Variants in DTNB observed in about 807,000 individuals in gnomAD.
DTNB encodes dystrobrevin beta, also known as DTN-B.
DTNB carries 63 observed loss-of-function variants against 90.7 expected under a neutral mutation model. That is an observed-to-expected ratio of 0.69 (90% CI 0.57 to 0.86). DTNB has a LOEUF of 0.86. DTNB is among the 40% of genes least tolerant of loss of function. DTNB has a pLI of 0.00. For synonymous variants in DTNB, 277 were observed against 286.7 expected, an observed-to-expected ratio of 0.97 and a Z score of 0.34; for missense variants, 744 against 807.1, an observed-to-expected ratio of 0.92 and a Z score of 0.95.
chr2:25,539,285 G>A (rs1033457719), intron 8 of DTNB, among the ~76,000 whole-genome samples: 8 of 152,138 alleles, frequency 5.3e-5, no homozygotes, highest in Non-Finnish European at 8.8e-5. Context: ...AGTGTTACGC[G>A]CATTCAATTT....
At chr2:25,543,059 ACC>A (rs2081625666) in intron 8 of DTNB, among the ~76,000 whole-genome samples, 1 of 152,172 alleles carries the variant, frequency 6.6e-6, no homozygotes, top group Non-Finnish European at 1.5e-5. Flanking sequence ...TCTTTGATAA[ACC>A]ATCTCTGGTA....
chr2:25,561,288 T>C (rs971617260), intron 8 of DTNB, among the ~76,000 whole-genome samples: 1 of 152,172 alleles, frequency 6.6e-6, no homozygotes, highest in African/African-American at 2.4e-5. Context: ...TACTTTTCTA[T>C]CAAAACCCAA....
intron 9 of DTNB, among the ~76,000 whole-genome samples, chr2:25,502,530 C>G (rs983803820): frequency 6.6e-6 from 1 of 151,662 alleles, no homozygotes; most frequent in Non-Finnish European, 1.5e-5. Flanking sequence ...TCACTTGAGC[C>G]CAGGAGGTGA....
intron 8 of DTNB, among the ~76,000 whole-genome samples, chr2:25,545,392 A>C (rs2082195964): frequency 1.3e-5 from 2 of 152,192 alleles, no homozygotes; most frequent in Non-Finnish European, 2.9e-5. Context: ...TTTGGTAATA[A>C]GCTCACCCTT....
intron 15 of DTNB, among the ~76,000 whole-genome samples, chr2:25,420,467 AATCTATCT>A (rs70947889): frequency 0.055 from 7,976 of 145,558 alleles, 254 homozygotes; most frequent in African/African-American, 0.079. Context: ...CATCTAAATC[AATCTATCT>A]ATCTATCTAT....
chr2:25,416,200 G>A (rs1653386568), intron 16 of DTNB, among the ~76,000 whole-genome samples: 1 of 152,212 alleles, frequency 6.6e-6, no homozygotes, highest in Admixed American at 6.5e-5. Flanking sequence ...CACATTTGGT[G>A]TCAGAGTGTT....
At chr2:25,467,927 A>C (rs2062089370) in intron 10 of DTNB, among the ~76,000 whole-genome samples, 1 of 152,124 alleles carries the variant, frequency 6.6e-6, no homozygotes, top group South Asian at 2.1e-4. Flanking sequence ...CTTTATTTAC[A>C]AAACAAGTAT....
rs555547130 is a variant in DTNB, at chr2:25,535,153, C to T, written c.877-3556G>A. 1.1e-4 allele frequency among the ~76,000 whole-genome samples: 15 copies of T among 140,940 alleles called. No homozygotes were observed. The East Asian group carries it at 1.1e-3, about 11-fold the overall frequency. The allele number at this position is 140,940 out of a possible 152,430, so 92.5% of individuals were successfully genotyped here. A position where few individuals can be genotyped will look rare whatever the true frequency, so the allele number is the denominator to read the frequency against. On this transcript the variant is annotated intron_variant, in intron 8 of 20. Transcript: ENST00000406818. ...CTCCTCACTTCCCATTCGGGGCAACCGGGCAGAGGTACTCCTCACTTCCTC... is the reference window on the plus strand; with the variant it reads ...CTCCTCACTTCCCATTCGGGGCAACTGGGCAGAGGTACTCCTCACTTCCTC...
chr2:25,434,022 T>C (rs775148001), intron 12 of DTNB, 27 bp from the exon 13 acceptor site: 1 of 1,592,786 alleles, frequency 6.3e-7, no homozygotes, highest in Admixed American at 1.8e-5. Flanking sequence ...GGGAGAAAGT[T>C]TTTTTTTTTC....
chr2:25,433,067 T>C, intron 13 of DTNB, 68 bp from the exon 14 acceptor site: 1 of 1,449,180 alleles, frequency 6.9e-7, no homozygotes, highest in South Asian at 1.4e-5. Context: ...CTTTCCCTAT[T>C]ACAACTTTTC....
intron 2 of DTNB, among the ~76,000 whole-genome samples, chr2:25,644,691 G>A (rs796595061): frequency 1.7e-4 from 26 of 152,240 alleles, no homozygotes; most frequent in African/African-American, 4.8e-4. Flanking sequence ...AGGCGAAGGC[G>A]GAGGCTTCAG....
rs535537432 is a variant in DTNB, at chr2:25,450,138, T to C, written c.1257+1410A>G. Among the ~76,000 whole-genome samples the C allele has an allele frequency of 7.2e-5, 11 of 152,344 alleles. No homozygotes were observed. The South Asian group carries it at 1.0e-3, about 14-fold the overall frequency. ...TTATTCTTCCTAAGAGAATGAAGAATTATTCTCCTATACTTTTAGTAGCTT... is the reference window on the plus strand; with the variant it reads ...TTATTCTTCCTAAGAGAATGAAGAACTATTCTCCTATACTTTTAGTAGCTT... On this transcript the variant is annotated intron_variant, in intron 12 of 20. Coordinates refer to ENST00000406818, the MANE Select transcript of DTNB (RefSeq NM_021907.5).
chr2:25,534,659 G>A (rs999896252), intron 8 of DTNB, among the ~76,000 whole-genome samples: 7 of 147,806 alleles, frequency 4.7e-5, no homozygotes, highest in Non-Finnish European at 9.0e-5. Context: ...CCTCCCAGAC[G>A]GGGTGGCGGC....
intron 16 of DTNB, among the ~76,000 whole-genome samples, chr2:25,406,048 G>A (rs1340586619): frequency 2.0e-5 from 3 of 152,180 alleles, no homozygotes; most frequent in Non-Finnish European, 4.4e-5. Flanking sequence ...GGAGGCTGGC[G>A]ATGGCTGGCA....
rs551459579 is a variant in DTNB, at chr2:25,556,707, A to T, written c.876+20131T>A. ...ATAGCGGGCCATGAAGAGACACATCAAACCACTCGGAGAATCAGAAAAAGT... is the reference window on the plus strand; with the variant it reads ...ATAGCGGGCCATGAAGAGACACATCTAACCACTCGGAGAATCAGAAAAAGT... On this transcript the variant is annotated intron_variant, in intron 8 of 20. Transcript: ENST00000406818. Among the ~76,000 whole-genome samples, 5 of 152,224 alleles carry T rather than the reference A, an allele frequency of 3.3e-5. No individual in the cohort carries two copies. The South Asian group carries it at 1.0e-3, about 31-fold the overall frequency.
At chr2:25,569,947 A>G (rs562551752) in intron 8 of DTNB, among the ~76,000 whole-genome samples, 174 of 151,930 alleles carry the variant, frequency 1.1e-3, no homozygotes, top group Non-Finnish European at 2.1e-3. Flanking sequence ...AAATACAAAA[A>G]TCAGCCGAGC....
Position 25,455,513 on chromosome 2 carries a change from A to G in DTNB, c.1080-19T>C. ...CTGTAACCTAGGAACAATGGAGGCA[A>G]AGACAGCAAGCGTGACACAAACACA... On this transcript the variant is annotated intron_variant, in intron 10 of 20. Transcript: ENST00000406818. 1.3e-6 allele frequency: 2 copies of G among 1,593,532 alleles called. No individual in the cohort carries two copies. Among genetic ancestry groups the G allele is most frequent in the Non-Finnish European group, 1.7e-6 (2 of 1,168,910 alleles).
chr2:25,667,770 T>C (rs2084829856), intron 1 of DTNB, among the ~76,000 whole-genome samples: 1 of 152,180 alleles, frequency 6.6e-6, no homozygotes, highest in South Asian at 2.1e-4. Flanking sequence ...TCCTAGGTAT[T>C]TTCCCAAGTG....
chr2:25,467,590 C>T (rs2062036029), intron 10 of DTNB, among the ~76,000 whole-genome samples: 1 of 152,100 alleles, frequency 6.6e-6, no homozygotes, highest in Non-Finnish European at 1.5e-5. Context: ...AGGTGTGAGC[C>T]ACTAGCGCCC....
Sources: gnomAD v4.1 joint callset for allele counts (sites outside exome capture counted in the v4.1 genomes callset) on GRCh38, gnomAD v4.1.1 for gene constraint, MANE v1.5 for transcripts, NCBI Gene and HGNC (gene_info 2026-07-23, HGNC 2026-07-21) for gene names.